The following C10orf67 variants were observed in gnomAD, a reference collection of about 807,000 sequenced individuals.
C10orf67 encodes the protein uncharacterized protein C10orf67, mitochondrial.
Under a neutral mutation model 35.6 loss-of-function variants are expected in C10orf67, and 60 were observed. The ratio of observed to expected loss-of-function variants is 1.68; its 90% CI spans 1.37 to 2.09. The LOEUF is 2.09. Ranked by LOEUF, C10orf67 falls within the 30% of genes most tolerant of loss-of-function variation. C10orf67 has a pLI of 0.00. For missense variants in C10orf67, 474 were observed against 330.2 expected (o/e 1.44, Z -3.38); for synonymous variants, 167 against 115.8 (o/e 1.44, Z -2.84).
Position 23,203,182 on chromosome 10 carries a change from C to G in C10orf67, c.*991G>C, listed in dbSNP as rs1426977453. On this transcript the variant is annotated 3_prime_UTR_variant, in exon 16 of 16. Coordinates refer to ENST00000636213, the MANE Select transcript of C10orf67 (RefSeq NM_001371909.1). ...ATAGCAGCAGATTTAAAACAAGTTT[C>G]TAGGGCAACACTCCTTTGGAGACAG... The G allele has an allele frequency of 6.6e-6, 1 of 152,192 alleles. No homozygotes were observed. The highest frequency in any genetic ancestry group is 2.4e-5 in the African/African-American group (1 of 41,430). The allele number at this position is 152,192 out of a possible 1,614,324, so 9.4% of individuals were successfully genotyped here.
At chr10:23,250,766 T>C in intron 10 of C10orf67, 75 bp from the exon 11 acceptor site, 1 of 397,334 alleles carries the variant, frequency 2.5e-6, no homozygotes, top group South Asian at 1.4e-4. Flanking sequence ...CTGAAAAGAC[T>C]ATTTCTATAA....
At chr10:23,344,510 C>T (rs895138046) in intron 1 of C10orf67, 59 bp downstream of exon 1, 64 of 1,483,114 alleles carry the variant, frequency 4.3e-5, no homozygotes, top group Non-Finnish European at 5.6e-5. Flanking sequence ...TTCAGCCTCC[C>T]GCCGTGCCCC....
rs974389303 is a variant in C10orf67 at position 23,291,256 on chromosome 10, G to C, written c.726C>G (p.Ser242Arg). The C allele has an allele frequency of 1.4e-6, 1 of 715,136 alleles. No homozygotes were observed. Among genetic ancestry groups the C allele is most frequent in the African/African-American group, 1.8e-5 (1 of 57,120 alleles). 44.3% of individuals were successfully genotyped at this position (715,136 alleles called of 1,614,324 possible). ...CCTTTTCTAGGTTTGATTTTGGAGAGCTGGTTTCTTTGGCAAAAGATTCCT... is the reference window on the plus strand; with the variant it reads ...CCTTTTCTAGGTTTGATTTTGGAGACCTGGTTTCTTTGGCAAAAGATTCCT... Reference protein sequence around the residue: ...HKMESFAKETSSPKSNLEKEN... With the variant: ...HKMESFAKETRSPKSNLEKEN... Residue 242 changes from serine to arginine, a missense_variant, in exon 6 of 16, where the codon AGC (serine) becomes AGG (arginine). Transcript: ENST00000636213.
chr10:23,321,817 C>T (rs150569435), intron 3 of C10orf67, among the ~76,000 whole-genome samples: 49 of 151,960 alleles, frequency 3.2e-4, no homozygotes, highest in African/African-American at 9.6e-4. Context: ...ACGGGGGTCT[C>T]GACTTGTCAC....
chr10:23,289,536 C>T (rs1267830064), intron 7 of C10orf67, among the ~76,000 whole-genome samples: 1 of 152,218 alleles, frequency 6.6e-6, no homozygotes, highest in Admixed American at 6.5e-5. Flanking sequence ...ATAAGCCCAG[C>T]TCATTCATGA....
chr10:23,337,042 T>G (rs917896198), intron 1 of C10orf67, among the ~76,000 whole-genome samples: 1 of 152,082 alleles, frequency 6.6e-6, no homozygotes, highest in Non-Finnish European at 1.5e-5. Context: ...TGGCCATATA[T>G]GACAATTTAA....
At chr10:23,344,021 T>C (rs1588721971) in intron 1 of C10orf67, 1 of 402,210 alleles carries the variant, frequency 2.5e-6, no homozygotes, top group Non-Finnish European at 5.3e-6. Context: ...GACGTGCGCC[T>C]CCCGCGGAGC....
At position 23,223,582 on chromosome 10, in the gene C10orf67, CAAT is replaced by C. The variant is rs775273264; in HGVS notation, c.1570+13_1570+15del. 29 of 717,104 alleles carry C rather than the reference CAAT, an allele frequency of 4.0e-5. No individual in the cohort carries two copies. Among genetic ancestry groups the C allele is most frequent in the Non-Finnish European group, 6.8e-5 (26 of 384,872 alleles). 44.4% of individuals were successfully genotyped at this position (717,104 alleles called of 1,614,324 possible). ...ATTCTGGTGTGAACCTCATTTCCAACAATAATGATTCTTACCTTTTGGTGAAAG... is the reference window on the plus strand; with the variant it reads ...ATTCTGGTGTGAACCTCATTTCCAACAATGATTCTTACCTTTTGGTGAAAG... On this transcript the variant is annotated intron_variant, in intron 15 of 15. Coordinates refer to ENST00000636213, the MANE Select transcript of C10orf67 (RefSeq NM_001371909.1).
intron 13 of C10orf67, among the ~76,000 whole-genome samples, chr10:23,236,247 T>G (rs1842045441): frequency 1.2e-5 from 1 of 86,386 alleles, no homozygotes; most frequent in Non-Finnish European, 2.0e-5. Flanking sequence ...AGACTCCCTC[T>G]CGGGGGAAAA....
chr10:23,215,925 C>T (rs913386485), intron 15 of C10orf67, among the ~76,000 whole-genome samples: 2 of 152,078 alleles, frequency 1.3e-5, no homozygotes, highest in Non-Finnish European at 2.9e-5. Flanking sequence ...AAACTTTCAG[C>T]GCCTGCTATA....
chr10:23,323,952 T>TATATATATACACACACAC (rs1564513730), intron 2 of C10orf67, among the ~76,000 whole-genome samples: 4 of 64,682 alleles, frequency 6.2e-5, no homozygotes, highest in Admixed American at 1.8e-4. Flanking sequence ...TATATATATA[T>TATATATATACACACACAC]ACACACACAC....
chr10:23,202,333 G>A (rs530207866), downstream of C10orf67: 4 of 152,300 alleles, frequency 2.6e-5, no homozygotes, highest in African/African-American at 9.6e-5. Flanking sequence ...TAAAGCATGC[G>A]TCATTTTTCA....
At chr10:23,300,344 C>T (rs887594382) in intron 5 of C10orf67, among the ~76,000 whole-genome samples, 21 of 152,142 alleles carry the variant, frequency 1.4e-4, no homozygotes, top group African/African-American at 4.1e-4. Flanking sequence ...CTCCAAAGTC[C>T]GCTTGCCTGA....
chr10:23,204,225 G>A lies in C10orf67; in HGVS notation c.1601C>T (p.Ser534Phe). 1.5e-6 allele frequency: 1 copy of A among 653,802 alleles called. No homozygotes were observed. The highest frequency in any genetic ancestry group is 2.9e-6 in the Non-Finnish European group (1 of 349,866). 40.5% of individuals were successfully genotyped at this position (653,802 alleles called of 1,614,324 possible). A position where few individuals can be genotyped will look rare whatever the true frequency, so the allele number is the denominator to read the frequency against. The change falls in exon 16 of 16, where the codon TCC (serine) becomes TTC (phenylalanine). Residue 534 changes from serine (S) to phenylalanine (F), a missense_variant. Coordinates refer to ENST00000636213, the MANE Select transcript of C10orf67 (RefSeq NM_001371909.1). ...CTGGCGCATGGAGGGCTCCTCCAAG[G>A]ACTCTTCTTTTGGGGATTCCGACAA... ...GKLSESPKEE[S>F]LEEPSMRQSS...
At chr10:23,210,987 T>C (rs1841291057) in intron 15 of C10orf67, among the ~76,000 whole-genome samples, 1 of 152,208 alleles carries the variant, frequency 6.6e-6, no homozygotes. Context: ...TATCAATTAT[T>C]TAATGTAATG....
intron 2 of C10orf67, among the ~76,000 whole-genome samples, chr10:23,325,619 G>A (rs1845162619): frequency 7.0e-6 from 1 of 143,696 alleles, no homozygotes; most frequent in African/African-American, 2.6e-5. Context: ...GACTATATCA[G>A]AACCCAGAAG....
chr10:23,240,314 G>A (rs1271759273), intron 12 of C10orf67, among the ~76,000 whole-genome samples: 1 of 152,172 alleles, frequency 6.6e-6, no homozygotes, highest in Non-Finnish European at 1.5e-5. Context: ...ATTTTAAAAA[G>A]CATTTCTCAC....
At chr10:23,256,236 A>G (rs1842597498) in intron 10 of C10orf67, among the ~76,000 whole-genome samples, 1 of 152,102 alleles carries the variant, frequency 6.6e-6, no homozygotes, top group African/African-American at 2.4e-5. Flanking sequence ...TCCTGGGCTC[A>G]AGCAATCCTC....
intron 4 of C10orf67, among the ~76,000 whole-genome samples, chr10:23,311,015 G>GCCAT (rs2132306503): frequency 6.6e-6 from 1 of 151,866 alleles, no homozygotes; most frequent in East Asian, 1.9e-4. Flanking sequence ...CACCCAGGCT[G>GCCAT]GAGTACAGTG....
Sources: gnomAD v4.1 joint callset for allele counts (sites outside exome capture counted in the v4.1 genomes callset) on GRCh38, gnomAD v4.1.1 for gene constraint, MANE v1.5 for transcripts, NCBI Gene and HGNC (gene_info 2026-07-23, HGNC 2026-07-21) for gene names.